The following RALGPS1 variants were observed in gnomAD, a reference collection of about 807,000 sequenced individuals.
RALGPS1 encodes the protein ras-specific guanine nucleotide-releasing factor RalGPS1.
RALGPS1 carries 19 observed loss-of-function variants against 78.8 expected under a neutral mutation model. That is an observed-to-expected ratio of 0.24 (90% CI 0.17 to 0.35). The LOEUF (loss-of-function observed/expected upper bound fraction) is 0.35, where lower values mean the gene tolerates loss of function less well. Among genes scored for constraint, RALGPS1 ranks in the 10% least tolerant of loss-of-function variants. The pLI is 1.00. For missense variants in RALGPS1, 454 were observed against 688.3 expected (o/e 0.66, Z 3.81); for synonymous variants, 228 against 256.3 (o/e 0.89, Z 1.06).
At chr9:127,033,985 G>C (rs1302318522) in intron 4 of RALGPS1, among the ~76,000 whole-genome samples, 1 of 152,228 alleles carries the variant, frequency 6.6e-6, no homozygotes, top group Non-Finnish European at 1.5e-5. Flanking sequence ...CTTGGACTGA[G>C]ACTTTGCCTC....
chr9:127,114,878 A>G (rs1196906753), intron 8 of RALGPS1, among the ~76,000 whole-genome samples: 1 of 152,232 alleles, frequency 6.6e-6, no homozygotes, highest in Non-Finnish European at 1.5e-5. Flanking sequence ...TGAAACTATC[A>G]TCAGGACAGA....
chr9:127,176,138 C>T (rs374486952), intron 11 of RALGPS1, among the ~76,000 whole-genome samples: 56 of 152,214 alleles, frequency 3.7e-4, no homozygotes, highest in African/African-American at 1.3e-3. Context: ...TCGGGGTCTC[C>T]GGAAATGCTA....
chr9:127,017,070 T>A (rs1225036140), intron 4 of RALGPS1: 1 of 152,234 alleles, frequency 6.6e-6, no homozygotes, highest in East Asian at 1.9e-4. Context: ...ATCTCCTTAA[T>A]AATTTGTTAT....
At chr9:126,963,476 A>G (rs1353470819) in intron 2 of RALGPS1, among the ~76,000 whole-genome samples, 2 of 152,174 alleles carry the variant, frequency 1.3e-5, no homozygotes, top group Non-Finnish European at 2.9e-5. Context: ...TAAGTACTCA[A>G]TAAATATTTT....
intron 3 of RALGPS1, among the ~76,000 whole-genome samples, chr9:126,977,283 A>G (rs1385059562): frequency 6.6e-6 from 1 of 152,240 alleles, no homozygotes. Context: ...AACTTAATTT[A>G]TAGTAATAGT....
intron 6 of RALGPS1, among the ~76,000 whole-genome samples, chr9:127,052,215 C>G (rs1209575638): frequency 1.3e-5 from 2 of 152,202 alleles, no homozygotes; most frequent in African/African-American, 4.8e-5. Flanking sequence ...GCACCCCCGT[C>G]CTGTTAGCAG....
intron 4 of RALGPS1, among the ~76,000 whole-genome samples, chr9:127,000,820 C>T (rs1354080795): frequency 2.0e-5 from 3 of 151,576 alleles, no homozygotes; most frequent in Admixed American, 2.0e-4. Flanking sequence ...TCCCAAAGCG[C>T]TGGGATTATA....
intron 5 of RALGPS1, among the ~76,000 whole-genome samples, chr9:127,039,671 G>A (rs2047128275): frequency 6.6e-6 from 1 of 152,168 alleles, no homozygotes; most frequent in Non-Finnish European, 1.5e-5. Context: ...AGACCTGGGT[G>A]CCTCTTCAGT....
At chr9:126,956,481 C>G (rs1461689561) in intron 1 of RALGPS1, among the ~76,000 whole-genome samples, 1 of 152,204 alleles carries the variant, frequency 6.6e-6, no homozygotes, top group Non-Finnish European at 1.5e-5. Context: ...ATGCCGGAGT[C>G]AGACTGGAAA....
intron 4 of RALGPS1, among the ~76,000 whole-genome samples, chr9:127,023,908 G>A (rs572065510): frequency 6.6e-6 from 1 of 152,034 alleles, no homozygotes; most frequent in East Asian, 1.9e-4. Context: ...ATGGTGGCGG[G>A]CTCCTGTAAT....
rs1457487273 is a variant in RALGPS1, at chr9:127,090,145, G to T, written c.610+20789G>T. ...CAAGTGGCAGTGTTGGACTGGTATAGCAGGGAGATCCTTGGGCACGCCATA... is the reference window on the plus strand; with the variant it reads ...CAAGTGGCAGTGTTGGACTGGTATATCAGGGAGATCCTTGGGCACGCCATA... On this transcript the variant is annotated intron_variant, in intron 8 of 18. Transcript: ENST00000259351. 2.0e-5 allele frequency among the ~76,000 whole-genome samples: 3 copies of T among 152,312 alleles called. No individual in the cohort carries two copies. In the East Asian group the frequency reaches 5.8e-4, roughly 29 times the overall value.
At chr9:127,070,573 A>G (rs779121958) in intron 8 of RALGPS1, among the ~76,000 whole-genome samples, 1 of 152,144 alleles carries the variant, frequency 6.6e-6, no homozygotes, top group Non-Finnish European at 1.5e-5. Flanking sequence ...TACAAATACT[A>G]TGCTTTTTCA....
At chr9:127,075,975 CT>C (rs758904273) in intron 8 of RALGPS1, among the ~76,000 whole-genome samples, 4 of 152,150 alleles carry the variant, frequency 2.6e-5, no homozygotes, top group Non-Finnish European at 4.4e-5. Context: ...GTTGGCTGTA[CT>C]TTGGTGTAGT....
In RALGPS1 at chr9:126,933,820, G is replaced by A. The variant is rs552363431; in HGVS notation, c.-66+18845G>A. ...CACAATGCTTGCGTGTGCCTGCAGG[G>A]GGGGTGTGCCACACCCACCCTCCCT... On this transcript the variant is annotated intron_variant, in intron 1 of 18. Coordinates refer to ENST00000259351, the MANE Select transcript of RALGPS1 (RefSeq NM_014636.3). 3.9e-5 allele frequency among the ~76,000 whole-genome samples: 6 copies of A among 152,252 alleles called. No homozygotes were observed. The East Asian group carries it at 7.7e-4, about 20-fold the overall frequency.
intron 4 of RALGPS1, among the ~76,000 whole-genome samples, chr9:127,024,411 G>C (rs1474288126): frequency 6.7e-6 from 1 of 149,852 alleles, no homozygotes; most frequent in Non-Finnish European, 1.5e-5. Context: ...GCTTTGTGTG[G>C]TATCTTGTGA....
At chr9:127,141,803 CATTTTAAAT>C (rs1161158128) in intron 8 of RALGPS1, among the ~76,000 whole-genome samples, 3 of 151,834 alleles carry the variant, frequency 2.0e-5, no homozygotes, top group African/African-American at 4.8e-5. Context: ...AAGTATTTTT[CATTTTAAAT>C]ATTTTAAATA....
chr9:127,071,862 GT>G (rs1487467931), intron 8 of RALGPS1, among the ~76,000 whole-genome samples: 5 of 152,024 alleles, frequency 3.3e-5, no homozygotes. Context: ...CAATTCACTG[GT>G]TTTTAGTAAT....
intron 8 of RALGPS1, among the ~76,000 whole-genome samples, chr9:127,110,589 A>G (rs906312170): frequency 3.3e-5 from 5 of 152,034 alleles, no homozygotes; most frequent in African/African-American, 1.2e-4. Context: ...TGACATTTCC[A>G]CTTGACTATC....
chr9:127,059,872 A>C (rs1364295981), intron 7 of RALGPS1, among the ~76,000 whole-genome samples: 1 of 152,176 alleles, frequency 6.6e-6, no homozygotes, highest in Non-Finnish European at 1.5e-5. Flanking sequence ...GCAGTATGGT[A>C]GACTGAGAAA....
Sources: gnomAD v4.1 joint callset for allele counts (sites outside exome capture counted in the v4.1 genomes callset) on GRCh38, gnomAD v4.1.1 for gene constraint, MANE v1.5 for transcripts, NCBI Gene and HGNC (gene_info 2026-07-23, HGNC 2026-07-21) for gene names.